The following PCSK6 variants were observed in gnomAD, a reference collection of about 807,000 sequenced individuals.
PCSK6 encodes paired basic amino acid cleaving enzyme 4.
In PCSK6, 85 loss-of-function variants were observed where a neutral mutation model predicts 123.3. The observed-to-expected ratio is 0.69, with a 90% confidence interval of 0.58 to 0.83. The LOEUF (loss-of-function observed/expected upper bound fraction) is 0.83. Ranked by LOEUF, PCSK6 falls within the 40% of genes least tolerant of loss-of-function variation. The pLI is 0.00. For synonymous variants in PCSK6, 508 were observed against 516.0 expected, an observed-to-expected ratio of 0.98 and a Z score of 0.21; for missense variants, 1,191 against 1,282.3, an observed-to-expected ratio of 0.93 and a Z score of 1.09.
Position 101,305,386 on chromosome 15 carries a change from G to C in PCSK6, c.2813-31C>G. On this transcript the variant is annotated intron_variant, in intron 21 of 21. Coordinates refer to ENST00000611716, the MANE Select transcript of PCSK6 (RefSeq NM_002570.5). This position sits in a 1 kb window ranked among gnomAD's most constrained non-coding sequence, Gnocchi z 4.8. ...GCCCCGCATCAGGAAAGGCAAAAGA[G>C]GGAAAGGTCAGTCTTCGGTGCCTGT... The C allele has an allele frequency of 1.3e-6, 2 of 1,581,106 alleles. No homozygotes were observed. The highest frequency in any genetic ancestry group is 8.6e-7 in the Non-Finnish European group (1 of 1,157,290).
intron 13 of PCSK6, chr15:101,336,856 A>C (rs990782807): frequency 1.3e-5 from 2 of 152,182 alleles, no homozygotes; most frequent in Admixed American, 6.5e-5. Context: ...AGCTCCAAAA[A>C]CGCCAGCAGG....
rs140669950 is a variant in PCSK6 at position 101,468,068 on chromosome 15, C to T, written c.297+21306G>A. Among the ~76,000 whole-genome samples the T allele has an allele frequency of 7.0e-3, 1,063 of 152,204 alleles. 13 individuals are homozygous for T. The highest frequency in any genetic ancestry group is 0.024 in the African/African-American group (981 of 41,518). The stretch of plus-strand genomic sequence containing the variant: ...TAGATTTTAAATGTTAAACATGTTT[C>T]AAAAATAACAAAGGAGAAAAAAGTG... On this transcript the variant is annotated intron_variant, in intron 1 of 21. Transcript: ENST00000611716.
chr15:101,458,186 C>T (rs998403604), intron 1 of PCSK6, among the ~76,000 whole-genome samples: 2 of 152,204 alleles, frequency 1.3e-5, no homozygotes, highest in African/African-American at 4.8e-5. Flanking sequence ...GCCATGTGCA[C>T]TATCTCAGCA....
chr15:101,443,289 G>A (rs924219159), intron 2 of PCSK6, among the ~76,000 whole-genome samples: 1 of 152,136 alleles, frequency 6.6e-6, no homozygotes, highest in Non-Finnish European at 1.5e-5. Flanking sequence ...TGCTTGAATT[G>A]CTTAGAGTTT....
At chr15:101,440,962 TGCTTTCCCTGGG>T (rs1471833395) in intron 2 of PCSK6, among the ~76,000 whole-genome samples, 1 of 152,224 alleles carries the variant, frequency 6.6e-6, no homozygotes, top group Non-Finnish European at 1.5e-5. Flanking sequence ...GATGTCTGTG[TGCTTTCCCTGGG>T]GCTAACAATT....
intron 9 of PCSK6, 79 bp downstream of exon 9, chr15:101,389,385 T>C (rs1409142395): frequency 8.9e-7 from 1 of 1,127,188 alleles, no homozygotes; most frequent in Non-Finnish European, 1.4e-6. Flanking sequence ...TTCAATAGGG[T>C]GAAAATGGCC....
At chr15:101,412,974 C>T (rs562518682) in intron 6 of PCSK6, among the ~76,000 whole-genome samples, 119 of 148,572 alleles carry the variant, frequency 8.0e-4, no homozygotes, top group African/African-American at 2.8e-3. Flanking sequence ...AGCAACACAG[C>T]GAGACCCTGT....
intron 20 of PCSK6, among the ~76,000 whole-genome samples, chr15:101,311,268 G>A (rs190757000): frequency 6.0e-5 from 9 of 149,742 alleles, no homozygotes; most frequent in Admixed American, 4.0e-4. Context: ...ACACTACCAC[G>A]TCCAACTAAT....
chr15:101,391,561 C>T (rs1194046383), intron 8 of PCSK6, among the ~76,000 whole-genome samples: 1 of 152,212 alleles, frequency 6.6e-6, no homozygotes, highest in African/African-American at 2.4e-5. Context: ...AGGTTTTACT[C>T]CTCTATAAAG....
intron 9 of PCSK6, among the ~76,000 whole-genome samples, chr15:101,387,294 G>A (rs1483053830): frequency 6.6e-6 from 1 of 152,172 alleles, no homozygotes; most frequent in African/African-American, 2.4e-5. Context: ...TGCAGGCTTT[G>A]GAGTTTAGAC....
intron 13 of PCSK6, among the ~76,000 whole-genome samples, chr15:101,365,328 T>G (rs11247287): frequency 6.6e-6 from 1 of 151,966 alleles, no homozygotes; most frequent in Non-Finnish European, 1.5e-5. Context: ...TCAAGGTGCA[T>G]CATCAGGCAA....
chr15:101,412,972 A>G (rs1440889993), intron 6 of PCSK6, among the ~76,000 whole-genome samples: 2 of 150,204 alleles, frequency 1.3e-5, no homozygotes, highest in African/African-American at 4.9e-5. Flanking sequence ...TGAGCAACAC[A>G]GCGAGACCCT....
chr15:101,429,882 G>A, intron 5 of PCSK6, 105 bp downstream of exon 5: 1 of 965,770 alleles, frequency 1.0e-6, no homozygotes, highest in Non-Finnish European at 1.6e-6. Flanking sequence ...AGGCAGGGAA[G>A]ATACGCCGGC....
chr15:101,382,272 G>C (rs1183396336), intron 10 of PCSK6, 63 bp from the exon 11 acceptor site: 2 of 1,310,422 alleles, frequency 1.5e-6, no homozygotes, highest in African/African-American at 1.5e-5. Context: ...AGCAAGGCTG[G>C]CTCTTGCATC....
intron 13 of PCSK6, among the ~76,000 whole-genome samples, chr15:101,336,522 C>T (rs541743537): frequency 3.5e-4 from 54 of 152,308 alleles, no homozygotes; most frequent in Non-Finnish European, 6.8e-4. Context: ...AGGTTAACGT[C>T]GCATTTCTCT....
chr15:101,429,001 C>G (rs1252144929), intron 5 of PCSK6, among the ~76,000 whole-genome samples: 1 of 152,238 alleles, frequency 6.6e-6, no homozygotes, highest in Non-Finnish European at 1.5e-5. Context: ...CGCGGGAGCT[C>G]TGCAGCCTGC....
At chr15:101,461,751 TTAGA>T (rs1277117397) in intron 1 of PCSK6, among the ~76,000 whole-genome samples, 1 of 152,152 alleles carries the variant, frequency 6.6e-6, no homozygotes, top group Non-Finnish European at 1.5e-5. Context: ...AGGAAAAGCA[TTAGA>T]TAAAATTCAA....
chr15:101,393,889 A>G (rs1402964093), intron 7 of PCSK6, among the ~76,000 whole-genome samples: 1 of 152,212 alleles, frequency 6.6e-6, no homozygotes, highest in Non-Finnish European at 1.5e-5. Context: ...ATTTTTCTGG[A>G]AAACATACTT....
At chr15:101,354,731 A>T (rs1387979950) in intron 13 of PCSK6, among the ~76,000 whole-genome samples, 1 of 152,226 alleles carries the variant, frequency 6.6e-6, no homozygotes, top group East Asian at 1.9e-4. Flanking sequence ...GTGCCCCATC[A>T]CACAGTCCCA....
Sources: allele counts gnomAD v4.1 joint callset (sites outside exome capture counted in the v4.1 genomes callset), GRCh38; gene constraint gnomAD v4.1.1; non-coding constraint Gnocchi (gnomAD v3.1); transcripts MANE v1.5; gene names NCBI Gene and HGNC (gene_info 2026-07-23, HGNC 2026-07-21).